Variants in VAV3 observed in about 807,000 individuals in gnomAD.
VAV3 encodes the protein guanine nucleotide exchange factor VAV3.
VAV3 carries 94 observed loss-of-function variants against 131.2 expected under a neutral mutation model. That is an observed-to-expected ratio of 0.72 (90% CI 0.61 to 0.85). The LOEUF is 0.85. VAV3 is among the 40% of genes least tolerant of loss of function. The pLI, the probability that VAV3 is intolerant of heterozygous loss-of-function variation, is 0.00. For synonymous variants in VAV3, 349 were observed against 342.0 expected (o/e 1.02, Z -0.22); for missense variants, 939 against 1,002.7 (o/e 0.94, Z 0.86).
chr1:107,748,914 A>G, intron 15 of VAV3, 54 bp downstream of exon 15: 5 of 1,280,204 alleles, frequency 3.9e-6, no homozygotes, highest in Non-Finnish European at 5.5e-6. Context: ...TTCATTATTC[A>G]TAAGTGATTT....
At chr1:107,786,800 G>A (rs1016932697) in intron 2 of VAV3, among the ~76,000 whole-genome samples, 19 of 152,266 alleles carry the variant, frequency 1.2e-4, no homozygotes, top group African/African-American at 4.6e-4. Context: ...GGGTGTGTTT[G>A]TTCATAGCAA....
At chr1:107,681,654 C>CTTT (rs66909735) in intron 19 of VAV3, among the ~76,000 whole-genome samples, 1 of 127,414 alleles carries the variant, frequency 7.8e-6, no homozygotes, top group Non-Finnish European at 1.7e-5. Context: ...TAATGGAAAA[C>CTTT]TTTTTTTTTT....
At chr1:107,743,620 C>T (rs569023383) in intron 15 of VAV3, among the ~76,000 whole-genome samples, 2 of 152,244 alleles carry the variant, frequency 1.3e-5, no homozygotes, top group Admixed American at 6.5e-5. Flanking sequence ...GGCAACAAGG[C>T]AAGTGCACGA....
chr1:107,754,648 C>T (rs1250229218), intron 12 of VAV3, among the ~76,000 whole-genome samples: 1 of 152,204 alleles, frequency 6.6e-6, no homozygotes, highest in Admixed American at 6.5e-5. Context: ...GCATATTGGC[C>T]TACAAGGCTG....
intron 2 of VAV3, among the ~76,000 whole-genome samples, chr1:107,797,845 T>C (rs1423157207): frequency 6.6e-6 from 1 of 152,184 alleles, no homozygotes. Flanking sequence ...ACCTGGAGGA[T>C]TTGTTAAAAT....
In VAV3 at chr1:107,797,021, A is replaced by C; in HGVS notation, c.322-17529T>G. On this transcript the variant is annotated intron_variant, in intron 2 of 26. Coordinates refer to ENST00000370056, the MANE Select transcript of VAV3 (RefSeq NM_006113.5). ...TCCTATAATAACTATATGACTTCAA[A>C]ATAAGATAGCAGTCCTCAAATTACT... 1.3e-5 allele frequency among the ~76,000 whole-genome samples: 2 copies of C among 152,258 alleles called. 1 individual carries two copies. Among genetic ancestry groups the C allele is most frequent in the South Asian group, 4.1e-4 (2 of 4,826 alleles).
intron 15 of VAV3, among the ~76,000 whole-genome samples, chr1:107,717,810 G>A (rs9725927): frequency 0.019 from 2,856 of 152,150 alleles, 88 homozygotes; most frequent in African/African-American, 0.064. Flanking sequence ...CTTCTGTCTC[G>A]TTCATCTGTC....
intron 2 of VAV3, among the ~76,000 whole-genome samples, chr1:107,860,143 G>T (rs939039496): frequency 4.6e-5 from 7 of 152,014 alleles, no homozygotes; most frequent in African/African-American, 1.7e-4. Flanking sequence ...GTTTTTGACA[G>T]GGAGTCTCAC....
chr1:107,813,967 AGTGTGTGTGTGTGT>A (rs58318688), intron 2 of VAV3, among the ~76,000 whole-genome samples: 98 of 135,858 alleles, frequency 7.2e-4, no homozygotes, highest in African/African-American at 1.7e-3. Context: ...ATAGTACTCC[AGTGTGTGTGTGTGT>A]GTGTGTGTGT....
chr1:107,583,660 T>C (rs1650249908), intron 25 of VAV3, among the ~76,000 whole-genome samples: 2 of 152,018 alleles, frequency 1.3e-5, no homozygotes, highest in Admixed American at 6.5e-5. Context: ...TCACAATTGC[T>C]TCAAAGAGAA....
intron 25 of VAV3, among the ~76,000 whole-genome samples, chr1:107,580,022 C>A (rs1249891151): frequency 6.6e-6 from 1 of 152,228 alleles, no homozygotes; most frequent in Non-Finnish European, 1.5e-5. Context: ...CTTCTTTGAC[C>A]TTTCCTAGCC....
rs147882740 is a variant in VAV3, at chr1:107,645,414, G to T, written c.1778-2659C>A. ...AATTTCAGCATGATCTGTTGTCAGG[G>T]GTACAGAGATCAAAGGATAAAAGGA... On this transcript the variant is annotated intron_variant, in intron 19 of 26. Coordinates refer to ENST00000370056, the MANE Select transcript of VAV3 (RefSeq NM_006113.5). Among the ~76,000 whole-genome samples the T allele has an allele frequency of 4.3e-4, 65 of 151,800 alleles. No homozygotes were observed. In the East Asian group the frequency reaches 0.011, roughly 26 times the overall value.
intron 2 of VAV3, among the ~76,000 whole-genome samples, chr1:107,866,415 T>C (rs1481150686): frequency 2.0e-5 from 3 of 152,134 alleles, no homozygotes; most frequent in Non-Finnish European, 4.4e-5. Context: ...ATGTTGAAGA[T>C]GAGCTTGAAA....
At chr1:107,596,011 T>G (rs1271361692) in intron 25 of VAV3, among the ~76,000 whole-genome samples, 1 of 152,172 alleles carries the variant, frequency 6.6e-6, no homozygotes, top group Non-Finnish European at 1.5e-5. Flanking sequence ...TAATTTTTAA[T>G]TTGCCATAAA....
At chr1:107,666,504 C>T (rs1220452909) in intron 19 of VAV3, among the ~76,000 whole-genome samples, 3 of 151,812 alleles carry the variant, frequency 2.0e-5, no homozygotes, top group African/African-American at 7.3e-5. Context: ...CCAGAAGCAG[C>T]ACAGAAGATC....
intron 25 of VAV3, among the ~76,000 whole-genome samples, chr1:107,575,279 A>C (rs1649564414): frequency 6.6e-6 from 1 of 152,184 alleles, no homozygotes; most frequent in Admixed American, 6.5e-5. Flanking sequence ...AAAGGAACTT[A>C]AGTGTAAGAA....
chr1:107,598,229 G>A (rs915480201), intron 24 of VAV3, among the ~76,000 whole-genome samples: 27 of 152,222 alleles, frequency 1.8e-4, no homozygotes, highest in Admixed American at 5.9e-4. Flanking sequence ...GGTGGCAGGT[G>A]CCTGTGATCC....
chr1:107,741,655 C>T (rs1163078813), intron 15 of VAV3, among the ~76,000 whole-genome samples: 1 of 152,106 alleles, frequency 6.6e-6, no homozygotes. Context: ...TATATACACA[C>T]ACACAAAAAC....
chr1:107,634,445 T>TCCTTACA (rs1654748990), intron 20 of VAV3, among the ~76,000 whole-genome samples: 1 of 152,094 alleles, frequency 6.6e-6, no homozygotes, highest in Admixed American at 6.5e-5. Context: ...CTGGATCCCT[T>TCCTTACA]CCTTACACCT....
Sources: gnomAD v4.1 joint callset for allele counts (sites outside exome capture counted in the v4.1 genomes callset) on GRCh38, gnomAD v4.1.1 for gene constraint, MANE v1.5 for transcripts, NCBI Gene and HGNC (gene_info 2026-07-23, HGNC 2026-07-21) for gene names.